The following KLHL32 variants were observed in gnomAD, a reference collection of about 807,000 sequenced individuals.
KLHL32 encodes kelch like family member 32.
In KLHL32, 35 loss-of-function variants were observed where a neutral mutation model predicts 64.8. The observed-to-expected ratio is 0.54, with a 90% CI of 0.41 to 0.72. The LOEUF (loss-of-function observed/expected upper bound fraction) is 0.72. Ranked by LOEUF, KLHL32 falls within the 30% of genes least tolerant of loss-of-function variation. KLHL32 has a pLI of 0.00. For missense variants in KLHL32, 589 were observed against 768.5 expected, an observed-to-expected ratio of 0.77 and a Z score of 2.76; for synonymous variants, 259 against 281.0, an observed-to-expected ratio of 0.92 and a Z score of 0.78.
At chr6:96,913,374 C>T in the KLHL32 span, among the ~76,000 whole-genome samples, 1 of 152,188 alleles carries the variant, frequency 6.6e-6, no homozygotes, top group Non-Finnish European at 1.5e-5. Flanking sequence ...TAGGTCCCAG[C>T]TTGACTATTA....
At chr6:97,052,131 TTG>T (rs1313260062) in intron 4 of KLHL32, among the ~76,000 whole-genome samples, 6 of 152,178 alleles carry the variant, frequency 3.9e-5, no homozygotes, top group African/African-American at 1.4e-4. Context: ...CGAAAGAAGT[TTG>T]TGTTTAAAAT....
chr6:97,092,878 T>C (rs1794465177), intron 6 of KLHL32, among the ~76,000 whole-genome samples: 1 of 152,216 alleles, frequency 6.6e-6, no homozygotes, highest in African/African-American at 2.4e-5. Flanking sequence ...TGAGTAGCTG[T>C]GAGGGGCAGT....
At chr6:97,135,343 T>C (rs75917743) in intron 10 of KLHL32, among the ~76,000 whole-genome samples, 3,054 of 147,688 alleles carry the variant, frequency 0.021, 108 homozygotes, top group African/African-American at 0.074. Context: ...TCTTGCTCTG[T>C]CACCCAGGCT....
intron 3 of KLHL32, among the ~76,000 whole-genome samples, chr6:97,028,703 G>C (rs1783081674): frequency 6.6e-6 from 1 of 152,206 alleles, no homozygotes; most frequent in South Asian, 2.1e-4. Flanking sequence ...GTGAAGAGCA[G>C]GATTGTGCCA....
chr6:97,085,523 T>C (rs1299389619), intron 6 of KLHL32, among the ~76,000 whole-genome samples, 182 bp downstream of exon 6: 1 of 152,220 alleles, frequency 6.6e-6, no homozygotes, highest in Non-Finnish European at 1.5e-5. Context: ...CTCAGAGCCC[T>C]CAGCGGACTC....
the KLHL32 span, among the ~76,000 whole-genome samples, chr6:96,906,050 C>G: frequency 1.3e-5 from 2 of 152,130 alleles, no homozygotes; most frequent in African/African-American, 4.8e-5. Flanking sequence ...TCCATTGTCC[C>G]TAGGAATTGC....
chr6:97,124,098 A>G (rs1475929604), intron 7 of KLHL32, among the ~76,000 whole-genome samples: 1 of 152,180 alleles, frequency 6.6e-6, no homozygotes, highest in African/African-American at 2.4e-5. Flanking sequence ...CTTTTTTAAA[A>G]TGTATCTTAG....
intron 4 of KLHL32, among the ~76,000 whole-genome samples, chr6:97,058,385 T>C (rs1172275017): frequency 6.6e-6 from 1 of 152,194 alleles, no homozygotes; most frequent in Non-Finnish European, 1.5e-5. Flanking sequence ...TGGGCCATCT[T>C]TCCATTTATT....
chr6:97,074,648 A>G (rs1210881562), intron 5 of KLHL32, among the ~76,000 whole-genome samples: 1 of 151,484 alleles, frequency 6.6e-6, no homozygotes, highest in African/African-American at 2.4e-5. Context: ...TATGATTGAC[A>G]TACTGAGGGA....
At chr6:96,995,771 C>T (rs1242939940) in intron 3 of KLHL32, among the ~76,000 whole-genome samples, 1 of 152,202 alleles carries the variant, frequency 6.6e-6, no homozygotes, top group East Asian at 1.9e-4. Flanking sequence ...AAGCCCTATC[C>T]TGATCACCCT....
intron 5 of KLHL32, among the ~76,000 whole-genome samples, chr6:97,078,863 A>C (rs959693889): frequency 6.6e-6 from 1 of 152,218 alleles, no homozygotes; most frequent in African/African-American, 2.4e-5. Context: ...TTTCTGTGTC[A>C]GAGGCATGAT....
chr6:97,046,326 C>T (rs572226375), intron 4 of KLHL32, among the ~76,000 whole-genome samples: 2 of 152,268 alleles, frequency 1.3e-5, no homozygotes, highest in South Asian at 2.1e-4. Context: ...TATTTTGGCC[C>T]AATTAGTCAA....
chr6:96,930,843 G>A (rs1362560701), intron 1 of KLHL32, among the ~76,000 whole-genome samples: 1 of 152,098 alleles, frequency 6.6e-6, no homozygotes, highest in Non-Finnish European at 1.5e-5. Context: ...AGGAGGGAGG[G>A]TCAGTCAGTT....
In KLHL32 at chr6:97,116,050, C is replaced by T. The variant is rs60105971; in HGVS notation, c.1354+1541C>T. On this transcript the variant is annotated intron_variant, in intron 7 of 10. Coordinates refer to ENST00000369261, the MANE Select transcript of KLHL32 (RefSeq NM_052904.4). ...TAGTCACAGGCTCAGCTTCTCTGAG[C>T]GGTGCCTCAGTTATTGGCAATTCAC... Among the ~76,000 whole-genome samples the T allele has an allele frequency of 9.6e-3, 1,464 of 152,194 alleles. 22 individuals are homozygous for T. The highest frequency in any genetic ancestry group is 0.032 in the African/African-American group (1,333 of 41,506).
At chr6:96,900,513 A>G in the KLHL32 span, among the ~76,000 whole-genome samples, 1 of 152,228 alleles carries the variant, frequency 6.6e-6, no homozygotes, top group Admixed American at 6.5e-5. Context: ...TGTTAGATTT[A>G]TTAAGGTTGG....
At position 96,956,543 on chromosome 6, in the gene KLHL32, C is replaced by T. The variant is rs539510575; in HGVS notation, c.-65-10453C>T. Among the ~76,000 whole-genome samples, 27 of 152,302 alleles carry T rather than the reference C, an allele frequency of 1.8e-4. No homozygotes were observed. The South Asian group carries it at 5.4e-3, about 30-fold the overall frequency. On this transcript the variant is annotated intron_variant, in intron 1 of 10. Coordinates refer to ENST00000369261, the MANE Select transcript of KLHL32 (RefSeq NM_052904.4). ...TCATTTGGAAAGCTTTCTCCTTTCT[C>T]TCCATCCTTTAGTGCTCCCCTACTT...
intron 1 of KLHL32, among the ~76,000 whole-genome samples, chr6:96,952,224 TCTTA>T (rs1358136152): frequency 2.6e-5 from 4 of 152,208 alleles, no homozygotes; most frequent in African/African-American, 9.7e-5. Context: ...TAAATAATTA[TCTTA>T]CTTGTTTTTA....
At chr6:96,968,063 A>G (rs1019048224) in intron 2 of KLHL32, among the ~76,000 whole-genome samples, 12 of 152,196 alleles carry the variant, frequency 7.9e-5, no homozygotes, top group African/African-American at 2.4e-4. Context: ...CTGTTAAGTA[A>G]TGAGACCAGC....
intron 1 of KLHL32, among the ~76,000 whole-genome samples, chr6:96,948,676 G>A (rs1017049792): frequency 1.1e-4 from 16 of 152,070 alleles, no homozygotes; most frequent in South Asian, 2.1e-4. Flanking sequence ...ACAACATTAT[G>A]TGATCATAGA....
Sources: allele counts gnomAD v4.1 joint callset (sites outside exome capture counted in the v4.1 genomes callset), GRCh38; gene constraint gnomAD v4.1.1; transcripts MANE v1.5; gene names NCBI Gene and HGNC (gene_info 2026-07-23, HGNC 2026-07-21).